LEKR1: variants seen among roughly 807,000 people sequenced by gnomAD.
LEKR1 encodes leucine, glutamate and lysine rich 1.
LEKR1 carries 59 observed loss-of-function variants against 72.4 expected under a neutral mutation model. That is an observed-to-expected ratio of 0.82 (90% CI 0.66 to 1.01). The LOEUF (loss-of-function observed/expected upper bound fraction) is 1.01, where lower values mean the gene tolerates loss of function less well. Among genes scored for constraint, LEKR1 ranks in the 50% least tolerant of loss-of-function variants. The pLI is 0.00. For synonymous variants in LEKR1, 257 were observed against 263.2 expected (o/e 0.98, Z 0.23); for missense variants, 728 against 759.2 (o/e 0.96, Z 0.48).
intron 3 of LEKR1, among the ~76,000 whole-genome samples, chr3:156,898,792 G>A (rs9850381): frequency 0.039 from 5,870 of 152,236 alleles, 413 homozygotes; most frequent in African/African-American, 0.13. Context: ...TGTTAGTAAA[G>A]CATTTGCTAT....
chr3:156,842,899 G>A (rs1714112613), intron 2 of LEKR1, among the ~76,000 whole-genome samples: 1 of 152,118 alleles, frequency 6.6e-6, no homozygotes, highest in Non-Finnish European at 1.5e-5. Flanking sequence ...CTTCTTAAGT[G>A]GCAGAAAATG....
chr3:156,848,824 C>T (rs906491878), intron 2 of LEKR1, among the ~76,000 whole-genome samples: 12 of 152,084 alleles, frequency 7.9e-5, no homozygotes, highest in African/African-American at 2.9e-4. Context: ...TCCTGGATAC[C>T]AGTGGCAGTA....
At chr3:156,865,852 T>C (rs1717252857) in intron 3 of LEKR1, among the ~76,000 whole-genome samples, 1 of 152,060 alleles carries the variant, frequency 6.6e-6, no homozygotes, top group Non-Finnish European at 1.5e-5. Flanking sequence ...TTTTGCTACC[T>C]CTTTCTGCTA....
chr3:156,931,258 A>T (rs1725198423), intron 5 of LEKR1, among the ~76,000 whole-genome samples: 1 of 152,186 alleles, frequency 6.6e-6, no homozygotes, highest in Non-Finnish European at 1.5e-5. Flanking sequence ...TTACACAGGA[A>T]GATACATAAA....
chr3:156,957,763 T>TTTTA (rs1275937495), intron 6 of LEKR1, among the ~76,000 whole-genome samples: 3 of 152,034 alleles, frequency 2.0e-5, no homozygotes, highest in South Asian at 2.1e-4. Flanking sequence ...AAAGAGCTAT[T>TTTTA]TTTATTTATT....
chr3:157,043,423 G>A (rs1735512666), intron 12 of LEKR1, among the ~76,000 whole-genome samples: 2 of 150,114 alleles, frequency 1.3e-5, no homozygotes, highest in South Asian at 4.3e-4. Context: ...AGAAAACCTG[G>A]GCAAAACCAG....
At chr3:156,972,412 G>T (rs1254175400) in intron 6 of LEKR1, among the ~76,000 whole-genome samples, 1 of 151,984 alleles carries the variant, frequency 6.6e-6, no homozygotes, top group African/African-American at 2.4e-5. Flanking sequence ...GTTAATGGGT[G>T]CAGCACACCA....
intron 12 of LEKR1, 88 bp downstream of exon 12, chr3:157,028,490 T>C (rs1444671412): frequency 5.7e-5 from 66 of 1,160,120 alleles, no homozygotes; most frequent in Non-Finnish European, 7.5e-5. Context: ...GGCAGCTTAG[T>C]TTCATGGAAA....
In LEKR1 at chr3:157,002,105, A is replaced by G; in HGVS notation, c.1109+8828A>G. ...TGGTAATCTTCTTTATTAGATTCTT[A>G]GTAAAATTTAAATTTAGAATCTAAA... On this transcript the variant is annotated intron_variant, in intron 9 of 12. Transcript: ENST00000356539. Among the ~76,000 whole-genome samples, 2 of 152,210 alleles carry G rather than the reference A, an allele frequency of 1.3e-5. 1 individual carries two copies. The highest frequency in any genetic ancestry group is 4.1e-4 in the South Asian group (2 of 4,830).
intron 11 of LEKR1, among the ~76,000 whole-genome samples, chr3:157,027,681 G>A (rs1216850357): frequency 6.6e-6 from 1 of 152,092 alleles, no homozygotes; most frequent in African/African-American, 2.4e-5. Context: ...CAGGGGTGGT[G>A]GCATGAGTCT....
At chr3:156,839,350 G>C (rs1713588587) in intron 2 of LEKR1, among the ~76,000 whole-genome samples, 1 of 152,174 alleles carries the variant, frequency 6.6e-6, no homozygotes, top group African/African-American at 2.4e-5. Flanking sequence ...AGAGAACCCT[G>C]ACAGAACATT....
chr3:157,037,080 G>A (rs1313198537), intron 12 of LEKR1, among the ~76,000 whole-genome samples: 3 of 152,136 alleles, frequency 2.0e-5, no homozygotes, highest in Non-Finnish European at 2.9e-5. Context: ...ATAGGAGGAG[G>A]AGCAGCATCT....
At chr3:156,835,257 A>G (rs116317094) in intron 2 of LEKR1, among the ~76,000 whole-genome samples, 2,524 of 152,334 alleles carry the variant, frequency 0.017, 71 homozygotes, top group African/African-American at 0.056. Context: ...AAAACATTGT[A>G]TGATAATAGT....
chr3:156,995,687 C>G (rs533524963), intron 9 of LEKR1, among the ~76,000 whole-genome samples: 1 of 152,232 alleles, frequency 6.6e-6, no homozygotes, highest in East Asian at 1.9e-4. Context: ...CCAAAATTAG[C>G]CGGGCATGGG....
chr3:156,959,068 CT>C (rs1349449092), intron 6 of LEKR1, among the ~76,000 whole-genome samples: 2 of 152,266 alleles, frequency 1.3e-5, no homozygotes, highest in South Asian at 4.1e-4. Context: ...CCATTCATAG[CT>C]TTTCCAGCTT....
At chr3:156,960,540 C>G (rs1728024577) in intron 6 of LEKR1, among the ~76,000 whole-genome samples, 1 of 152,142 alleles carries the variant, frequency 6.6e-6, no homozygotes. Flanking sequence ...CCCTCCTAGG[C>G]CTCTCAAAGT....
chr3:157,024,679 A>T, intron 10 of LEKR1, 81 bp from the exon 11 acceptor site: 2 of 1,027,602 alleles, frequency 1.9e-6, no homozygotes, highest in Admixed American at 5.2e-5. Flanking sequence ...AACATTTTAA[A>T]ACTTAGAGTT....
intron 12 of LEKR1, among the ~76,000 whole-genome samples, chr3:157,032,263 T>G (rs966885074): frequency 6.6e-6 from 1 of 152,126 alleles, no homozygotes; most frequent in Non-Finnish European, 1.5e-5. Context: ...AAGAATGTGG[T>G]AAATCAAATA....
At chr3:156,852,331 T>C (rs1715461764) in intron 2 of LEKR1, among the ~76,000 whole-genome samples, 1 of 152,134 alleles carries the variant, frequency 6.6e-6, no homozygotes, top group Non-Finnish European at 1.5e-5. Context: ...ATTCATTTGG[T>C]GAAATGTCAT....
Sources: allele counts gnomAD v4.1 joint callset (sites outside exome capture counted in the v4.1 genomes callset), GRCh38; gene constraint gnomAD v4.1.1; transcripts MANE v1.5; gene names NCBI Gene and HGNC (gene_info 2026-07-23, HGNC 2026-07-21).